ROPN1: variants seen among roughly 807,000 people sequenced by gnomAD.
The protein encoded by ROPN1 is rhophilin associated tail protein 1, also known as ropporin-1A.
ROPN1 carries 14 observed loss-of-function variants against 20.5 expected under a neutral mutation model. The observed-to-expected ratio is 0.68, with a 90% CI of 0.45 to 1.07. The LOEUF (loss-of-function observed/expected upper bound fraction) is 1.07. Among genes scored for constraint, ROPN1 ranks in the 50% least tolerant of loss-of-function variants. The pLI is 0.00. For synonymous variants in ROPN1, 76 were observed against 95.7 expected, an observed-to-expected ratio of 0.79 and a Z score of 1.20; for missense variants, 169 against 242.8, an observed-to-expected ratio of 0.70 and a Z score of 2.02.
intron 1 of ROPN1, chr3:123,991,168 G>A (rs1043374197): frequency 5.4e-5 from 8 of 148,246 alleles, no homozygotes; most frequent in Non-Finnish European, 1.2e-4. Flanking sequence ...TACCCTTCCA[G>A]AGCATCACTT....
At chr3:123,982,269 T>C (rs1445824142) in intron 1 of ROPN1, among the ~76,000 whole-genome samples, 2 of 152,192 alleles carry the variant, frequency 1.3e-5, no homozygotes, top group African/African-American at 4.8e-5. Flanking sequence ...GTTAAGACAA[T>C]AACAACAATT....
chr3:123,985,545 G>C (rs981841246), intron 1 of ROPN1, among the ~76,000 whole-genome samples: 1 of 151,904 alleles, frequency 6.6e-6, no homozygotes, highest in Non-Finnish European at 1.5e-5. Flanking sequence ...ATTTGTTTGT[G>C]ACTTATTTAT....
In ROPN1 at chr3:123,976,994, AAGTC is replaced by A; in HGVS notation, c.117-17_117-14del. 1 of 1,607,274 alleles carries A rather than the reference AAGTC, an allele frequency of 6.2e-7. No homozygotes were observed. Among genetic ancestry groups the A allele is most frequent in the South Asian group, 1.1e-5 (1 of 90,344 alleles). ...GGCCTCAAAATAACTACAAGAAAAA[AAGTC>A]AGAGAGTAGGAGGATCCTATACACC... is the stretch of plus-strand genomic sequence containing the variant. On this transcript the variant is annotated splice_polypyrimidine_tract_variant and intron_variant, in intron 2 of 5. Coordinates refer to ENST00000405845, the MANE Select transcript of ROPN1 (RefSeq NM_001317774.2).
At chr3:123,978,536 C>T (rs1226959877) in intron 2 of ROPN1, 1 of 153,758 alleles carries the variant, frequency 6.5e-6, no homozygotes, top group East Asian at 1.9e-4. Flanking sequence ...TGGTTATACA[C>T]ATATATTGCA....
At chr3:123,971,368 A>G (rs2037912874) in intron 4 of ROPN1, among the ~76,000 whole-genome samples, 1 of 152,256 alleles carries the variant, frequency 6.6e-6, no homozygotes, top group South Asian at 2.1e-4. Context: ...TGTAATAATT[A>G]TTAATTTTAA....
intron 1 of ROPN1, among the ~76,000 whole-genome samples, chr3:123,986,211 G>C (rs1490565179): frequency 6.6e-6 from 1 of 150,786 alleles, no homozygotes; most frequent in Non-Finnish European, 1.5e-5. Context: ...AAACTGATTT[G>C]TTGTAGTCAA....
intron 1 of ROPN1, among the ~76,000 whole-genome samples, chr3:123,985,280 T>G (rs1412223305): frequency 6.6e-6 from 1 of 152,252 alleles, no homozygotes; most frequent in African/African-American, 2.4e-5. Context: ...ACCATCTTGT[T>G]AAAACAATCC....
In ROPN1 at chr3:123,970,135, G is replaced by T. The variant is rs2037886058; in HGVS notation, c.479C>A (p.Thr160Asn). Residue 160 changes from threonine to asparagine, a missense_variant, in exon 5 of 6, where the codon ACC (threonine) becomes AAC (asparagine). This residue lies in a region of ROPN1 where 82 missense variants were observed against 100.1 expected (regional missense o/e 0.82). Transcript: ENST00000405845. ...NGGSPRIPFS[T>N]FQFLYTYIAK... ...AATATACGTGTAGAGAAACTGGAAGGTGCTGAACGGGATCCGGGGCGACCC... is the reference window on the plus strand; with the variant it reads ...AATATACGTGTAGAGAAACTGGAAGTTGCTGAACGGGATCCGGGGCGACCC... 2.5e-6 allele frequency: 4 copies of T among 1,614,162 alleles called. No homozygotes were observed. The highest frequency in any genetic ancestry group is 3.4e-6 in the Non-Finnish European group (4 of 1,180,018).
intron 4 of ROPN1, among the ~76,000 whole-genome samples, chr3:123,971,519 C>A (rs1044227753): frequency 3.3e-5 from 5 of 152,128 alleles, no homozygotes; most frequent in Non-Finnish European, 7.4e-5. Context: ...CCCTGGGGGT[C>A]CTCTCATGGA....
At chr3:123,984,455 A>G (rs560787858) in intron 1 of ROPN1, among the ~76,000 whole-genome samples, 6 of 152,070 alleles carry the variant, frequency 3.9e-5, no homozygotes, top group Non-Finnish European at 8.8e-5. Flanking sequence ...TGTGTCTTCA[A>G]TTAATCCCTT....
At chr3:123,983,397 T>C (rs1248722965) in intron 1 of ROPN1, among the ~76,000 whole-genome samples, 1 of 152,198 alleles carries the variant, frequency 6.6e-6, no homozygotes, top group Non-Finnish European at 1.5e-5. Context: ...TTTGACAGGA[T>C]CTTTTGGTTG....
intron 4 of ROPN1, among the ~76,000 whole-genome samples, chr3:123,971,450 T>TAAACC (rs1218114546): frequency 7.2e-5 from 11 of 152,260 alleles, no homozygotes. Context: ...GAATCTTCAA[T>TAAACC]ACATGATGTC....
intron 1 of ROPN1, among the ~76,000 whole-genome samples, chr3:123,983,943 T>C (rs2038202568): frequency 6.6e-6 from 1 of 152,200 alleles, no homozygotes; most frequent in Admixed American, 6.5e-5. Context: ...TGAATACACA[T>C]AGTCTGACAT....
chr3:123,972,742 A>G (rs1209923637), intron 4 of ROPN1, among the ~76,000 whole-genome samples: 2 of 152,218 alleles, frequency 1.3e-5, no homozygotes, highest in Admixed American at 6.5e-5. Context: ...TGGCATAGAG[A>G]TCTTGTCTTG....
chr3:123,974,199 CA>C (rs2037970678), intron 4 of ROPN1, among the ~76,000 whole-genome samples: 1 of 152,062 alleles, frequency 6.6e-6, no homozygotes, highest in Non-Finnish European at 1.5e-5. Flanking sequence ...TATTTTCCCC[CA>C]AAAACGTCTC....
At chr3:123,984,474 T>A (rs751637290) in intron 1 of ROPN1, among the ~76,000 whole-genome samples, 7 of 152,200 alleles carry the variant, frequency 4.6e-5, no homozygotes, top group Non-Finnish European at 8.8e-5. Flanking sequence ...TTTCTATTTC[T>A]ACTCCTGTGT....
chr3:123,980,945 A>C (rs1178739113), intron 1 of ROPN1, among the ~76,000 whole-genome samples: 1 of 152,156 alleles, frequency 6.6e-6, no homozygotes, highest in Non-Finnish European at 1.5e-5. Flanking sequence ...TTTACTCTGA[A>C]CCCTCTGTGA....
intron 3 of ROPN1, 43 bp downstream of exon 3, chr3:123,976,821 C>A (rs1181190904): frequency 6.3e-7 from 1 of 1,580,038 alleles, no homozygotes; most frequent in Non-Finnish European, 8.6e-7. Context: ...CCAGCCTCAA[C>A]ACTGTCCCTA....
chr3:123,972,883 G>A (rs2037943978), intron 4 of ROPN1, among the ~76,000 whole-genome samples: 1 of 152,200 alleles, frequency 6.6e-6, no homozygotes, highest in African/African-American at 2.4e-5. Flanking sequence ...ACCTTAGACT[G>A]GGTAATTTAT....
Sources: allele counts gnomAD v4.1 joint callset (sites outside exome capture counted in the v4.1 genomes callset), GRCh38; gene constraint gnomAD v4.1.1; regional missense constraint gnomAD v4.1.1; transcripts MANE v1.5; gene names NCBI Gene and HGNC (gene_info 2026-07-23, HGNC 2026-07-21).